TBXAS1: variants seen among roughly 807,000 people sequenced by gnomAD.
TBXAS1 encodes thromboxane A synthase 1.
In TBXAS1, 48 loss-of-function variants were observed where a neutral mutation model predicts 60.7. The observed-to-expected ratio is 0.79, with a 90% CI of 0.63 to 1.01. TBXAS1 has a LOEUF of 1.01. TBXAS1 is among the 50% of genes least tolerant of loss of function. The pLI, the probability that TBXAS1 is intolerant of heterozygous loss-of-function variation, is 0.00. For missense variants in TBXAS1, 685 were observed against 686.3 expected, an observed-to-expected ratio of 1.00 and a Z score of 0.02; for synonymous variants, 287 against 269.7, an observed-to-expected ratio of 1.06 and a Z score of -0.63.
chr7:139,797,679 G>A (rs1797608564), intron 4 of TBXAS1, among the ~76,000 whole-genome samples: 1 of 152,052 alleles, frequency 6.6e-6, no homozygotes, highest in Non-Finnish European at 1.5e-5. Context: ...TAGGGTGAGG[G>A]GCTGGGAGTG....
chr7:139,907,464 G>T (rs1288013776), intron 3 of TBXAS1, among the ~76,000 whole-genome samples: 1 of 152,072 alleles, frequency 6.6e-6, no homozygotes, highest in Non-Finnish European at 1.5e-5. Flanking sequence ...AGAGATACTG[G>T]TCTATACTTT....
Position 139,957,789 on chromosome 7 carries a change from C to G in TBXAS1, c.819+25C>G, listed in dbSNP as rs1467949340. 3 of 1,613,698 alleles carry G rather than the reference C, an allele frequency of 1.9e-6. No homozygotes were observed. In the African/African-American group the frequency reaches 4.0e-5, roughly 22 times the overall value. On this transcript the variant is annotated intron_variant, in intron 8 of 12. Coordinates refer to ENST00000448866, the MANE Select transcript of TBXAS1 (RefSeq NM_001061.7). Reference sequence around the variant, plus strand: ...GGTAACGTATTTTAATAGGACACAGCCTTGAAATGGAATGGAGCCGACTTT... The same window carrying G: ...GGTAACGTATTTTAATAGGACACAGGCTTGAAATGGAATGGAGCCGACTTT...
chr7:140,018,146 C>T (rs1815251417), intron 12 of TBXAS1, among the ~76,000 whole-genome samples: 1 of 152,194 alleles, frequency 6.6e-6, no homozygotes, highest in African/African-American at 2.4e-5. Context: ...CAGGGCTGGA[C>T]CTCACCTTGC....
rs1423437827 is a variant in TBXAS1, at chr7:139,809,236, TA to T, written c.-79-20075del. Among the ~76,000 whole-genome samples the T allele has an allele frequency of 1.3e-3, 48 of 37,452 alleles. No homozygotes were observed. In the South Asian group the frequency reaches 0.025, roughly 20 times the overall value. The allele number at this position is 37,452 out of a possible 152,430, so 24.6% of individuals were successfully genotyped here. On this transcript the variant is annotated intron_variant, in intron 4 of 16. Transcript: ENST00000336425. ...GATAGATAGATAGATAGATAGATGATAGATAGATAGATAGATAGATAGATAG... is the reference window on the plus strand; with the variant it reads ...GATAGATAGATAGATAGATAGATGATGATAGATAGATAGATAGATAGATAG...
intron 4 of TBXAS1, 28 bp downstream of exon 4, chr7:139,911,349 TG>T (rs776040515): frequency 6.3e-7 from 1 of 1,578,970 alleles, no homozygotes; most frequent in Non-Finnish European, 8.7e-7. Context: ...CGCATATAGA[TG>T]GATGGGGAAT....
At chr7:139,854,279 G>A (rs1032255582) in intron 1 of TBXAS1, among the ~76,000 whole-genome samples, 3 of 152,116 alleles carry the variant, frequency 2.0e-5, no homozygotes, top group Non-Finnish European at 2.9e-5. Flanking sequence ...AACTAGGAAC[G>A]TGTGAGTCAT....
chr7:139,950,664 A>ACCCTCCATCTACGGGACTCCCTCG (rs1809143859), intron 5 of TBXAS1, among the ~76,000 whole-genome samples: 5 of 132,922 alleles, frequency 3.8e-5, no homozygotes, highest in Non-Finnish European at 6.7e-5. Flanking sequence ...GGACTCCCTC[A>ACCCTCCATCTACGGGACTCCCTCG]CCCTCCATCT....
chr7:139,829,484 G>C lies in TBXAS1; in HGVS notation c.89+5G>C. On this transcript the variant is annotated splice_donor_5th_base_variant and intron_variant, in intron 1 of 12. Coordinates refer to ENST00000448866, the MANE Select transcript of TBXAS1 (RefSeq NM_001061.7). ...TCTCTTGGCCCTCCTGAAATGGTAA[G>C]TGCAGCCAGCCCTAGGGACTGTGAC... 6.2e-7 allele frequency: 1 copy of C among 1,613,244 alleles called. No homozygotes were observed. The highest frequency in any genetic ancestry group is 8.5e-7 in the Non-Finnish European group (1 of 1,179,656).
Position 139,936,270 on chromosome 7 carries a change from C to T in TBXAS1, c.413C>T (p.Ala138Val). 6.2e-7 allele frequency: 1 copy of T among 1,614,224 alleles called. No homozygotes were observed. Among genetic ancestry groups the T allele is most frequent in the Non-Finnish European group, 8.5e-7 (1 of 1,180,036 alleles). The change falls in exon 5 of 13, where the codon GCC (alanine) becomes GTC (valine). Residue 138 changes from alanine to valine, a missense_variant. Transcript: ENST00000448866. ...RDKRWEEVRG[A>V]LMSAFSPEKL... ...AAAAGATGGGAAGAGGTCAGAGGTGCCCTGATGTCTGCTTTCAGTCCTGAA... is the reference window on the plus strand; with the variant it reads ...AAAAGATGGGAAGAGGTCAGAGGTGTCCTGATGTCTGCTTTCAGTCCTGAA...
chr7:139,832,626 C>T (rs1357392381), intron 1 of TBXAS1, among the ~76,000 whole-genome samples: 2 of 152,098 alleles, frequency 1.3e-5, no homozygotes, highest in Admixed American at 6.5e-5. Flanking sequence ...GGAAATTCAT[C>T]GCAAAAAGAT....
At chr7:139,903,517 C>T (rs753095998) in intron 3 of TBXAS1, among the ~76,000 whole-genome samples, 6 of 152,040 alleles carry the variant, frequency 3.9e-5, no homozygotes, top group Admixed American at 1.3e-4. Flanking sequence ...AAGGAAACTC[C>T]ACACTGTTTT....
At chr7:139,958,074 A>G (rs1287152538) in intron 8 of TBXAS1, among the ~76,000 whole-genome samples, 1 of 152,216 alleles carries the variant, frequency 6.6e-6, no homozygotes, top group Non-Finnish European at 1.5e-5. Flanking sequence ...AGCACAGGTT[A>G]GAATAGCCCA....
chr7:139,815,844 A>G (rs1798132561), intron 4 of TBXAS1, among the ~76,000 whole-genome samples: 1 of 152,212 alleles, frequency 6.6e-6, no homozygotes, highest in Admixed American at 6.5e-5. Context: ...AATTATTGTG[A>G]AAGAACCAAG....
chr7:139,857,196 C>T lies in TBXAS1; in HGVS notation c.90-15039C>T, dbSNP rs75247622. Among the ~76,000 whole-genome samples the T allele has an allele frequency of 1.3e-3, 205 of 152,260 alleles. 4 individuals carry two copies. In the East Asian group the frequency reaches 0.034, roughly 25 times the overall value. On this transcript the variant is annotated intron_variant, in intron 1 of 12. Coordinates refer to ENST00000448866, the MANE Select transcript of TBXAS1 (RefSeq NM_001061.7). ...CCCCTGGAAGCTGTCTTTGGGCTTCCGTGGGATGCTACATCTGGGCTTACT... is the reference window on the plus strand; with the variant it reads ...CCCCTGGAAGCTGTCTTTGGGCTTCTGTGGGATGCTACATCTGGGCTTACT...
chr7:139,870,774 T>G (rs1801760775), intron 1 of TBXAS1, among the ~76,000 whole-genome samples: 1 of 152,240 alleles, frequency 6.6e-6, no homozygotes, highest in Non-Finnish European at 1.5e-5. Context: ...GCCCTGGTTC[T>G]CCCTTGTGAC....
In TBXAS1 at chr7:139,953,421, C is replaced by T. The variant is rs1487094018; in HGVS notation, c.504C>T (p.Arg168=). ...ACCTTCTCCTGGCTCATTTAAAACG[C>T]TATGCGGAATCTGGGGACGCATTTG... is the stretch of plus-strand genomic sequence containing the variant. ...ACDLLLAHLK[R]YAESGDAFDI... The change falls in exon 6 of 13, where the codon CGC becomes CGT. Residue 168 remains arginine (R), a synonymous_variant. Transcript: ENST00000448866. 1.9e-6 allele frequency: 3 copies of T among 1,614,220 alleles called. No homozygotes were observed. The highest frequency in any genetic ancestry group is 1.3e-5 in the African/African-American group (1 of 75,072).
chr7:139,847,533 C>T (rs146055640), intron 1 of TBXAS1, among the ~76,000 whole-genome samples: 1 of 152,174 alleles, frequency 6.6e-6, no homozygotes, highest in African/African-American at 2.4e-5. Flanking sequence ...AACCAACCAA[C>T]CAACCAACCA....
chr7:139,812,250 G>A (rs1250040961), intron 4 of TBXAS1, among the ~76,000 whole-genome samples: 2 of 152,220 alleles, frequency 1.3e-5, no homozygotes, highest in Non-Finnish European at 2.9e-5. Context: ...GGTTGAGGCT[G>A]AATTCCGACT....
At chr7:140,014,969 T>C (rs1168749809) in intron 10 of TBXAS1, among the ~76,000 whole-genome samples, 1 of 150,900 alleles carries the variant, frequency 6.6e-6, no homozygotes, top group African/African-American at 2.4e-5. Context: ...AGGAGGAGGA[T>C]GCAGCAAAAA....
Sources: allele counts gnomAD v4.1 joint callset (sites outside exome capture counted in the v4.1 genomes callset), GRCh38; gene constraint gnomAD v4.1.1; transcripts MANE v1.5; gene names NCBI Gene and HGNC (gene_info 2026-07-23, HGNC 2026-07-21).